The following EPM2A variants were observed in gnomAD, a reference collection of about 807,000 sequenced individuals.
The protein encoded by EPM2A is laforin.
Under a neutral mutation model 26.5 loss-of-function variants are expected in EPM2A, and 21 were observed. The ratio of observed to expected loss-of-function variants is 0.79; its 90% confidence interval spans 0.56 to 1.14. The LOEUF (loss-of-function observed/expected upper bound fraction) is 1.14, where lower values mean the gene tolerates loss of function less well. EPM2A is among the 50% of genes most tolerant of loss of function. EPM2A has a pLI of 0.00. For missense variants in EPM2A, 458 were observed against 440.8 expected, an observed-to-expected ratio of 1.04 and a Z score of -0.35; for synonymous variants, 217 against 177.6, an observed-to-expected ratio of 1.22 and a Z score of -1.76.
intron 2 of EPM2A, among the ~76,000 whole-genome samples, chr6:145,574,564 G>T (rs1468100037): frequency 6.6e-6 from 1 of 152,120 alleles, no homozygotes; most frequent in African/African-American, 2.4e-5. Flanking sequence ...ATTTCACAAG[G>T]CATTGGTCAA....
chr6:145,461,912 A>G (rs976568626), intron 4 of EPM2A, among the ~76,000 whole-genome samples: 2 of 152,208 alleles, frequency 1.3e-5, no homozygotes. Flanking sequence ...CCTTAAAGCC[A>G]GGATATGGGC....
chr6:145,627,728 A>G (rs765937682), intron 3 of EPM2A, 35 bp from the exon 4 acceptor site: 1 of 1,610,572 alleles, frequency 6.2e-7, no homozygotes, highest in Non-Finnish European at 8.5e-7. Flanking sequence ...CATGTGAATA[A>G]CTAAACCACC....
intron 4 of EPM2A, among the ~76,000 whole-genome samples, chr6:145,422,747 T>A (rs1284578082): frequency 6.6e-6 from 1 of 152,152 alleles, no homozygotes; most frequent in Non-Finnish European, 1.5e-5. Context: ...AGAATTTTGT[T>A]ATTTTTATCC....
At chr6:145,389,380 C>A (rs886720655) in intron 4 of EPM2A, among the ~76,000 whole-genome samples, 1 of 151,778 alleles carries the variant, frequency 6.6e-6, no homozygotes, top group Non-Finnish European at 1.5e-5. Context: ...TTAGTAGAGA[C>A]GGGGTTTCAC....
intron 4 of EPM2A, among the ~76,000 whole-genome samples, chr6:145,453,443 G>T (rs1398993871): frequency 1.3e-5 from 2 of 151,398 alleles, no homozygotes; most frequent in Non-Finnish European, 2.9e-5. Flanking sequence ...TTGTTGTTGT[G>T]TTTTTTTCTA....
chr6:145,393,161 G>T (rs1055967360), intron 4 of EPM2A, among the ~76,000 whole-genome samples: 9 of 152,052 alleles, frequency 5.9e-5, no homozygotes, highest in Non-Finnish European at 1.2e-4. Context: ...ACTCTAAAAG[G>T]CCTCATGAAT....
chr6:145,556,300 T>C (rs910556603), intron 2 of EPM2A, among the ~76,000 whole-genome samples: 1 of 152,120 alleles, frequency 6.6e-6, no homozygotes, highest in Non-Finnish European at 1.5e-5. Flanking sequence ...TAACCACTAC[T>C]GAAGTATTTT....
chr6:145,735,393 C>G lies in EPM2A; in HGVS notation c.106G>C (p.Gly36Arg). 1 of 1,230,176 alleles carries G rather than the reference C, an allele frequency of 8.1e-7. No homozygotes were observed. The highest frequency in any genetic ancestry group is 1.0e-6 in the Non-Finnish European group (1 of 984,916). 76.2% of individuals were successfully genotyped at this position (1,230,176 alleles called of 1,614,324 possible). The change falls in exon 1 of 4, where the codon GGT (glycine) becomes CGT (arginine). Residue 36 changes from glycine (G) to arginine (R), a missense_variant. Transcript: ENST00000367519. Reference sequence around the variant, plus strand: ...CCGGCCGGCCTCAGGCGGACGGCACCGCGCGGCTCCCAACGCCCCAGCTCG... The same window carrying G: ...CCGGCCGGCCTCAGGCGGACGGCACGGCGCGGCTCCCAACGCCCCAGCTCG... The part of the protein sequence containing the change: ...RPELGRWEPR[G>R]AVRLRPAGTA...
chr6:145,399,243 T>C (rs759063221), intron 4 of EPM2A, among the ~76,000 whole-genome samples: 2 of 152,184 alleles, frequency 1.3e-5, no homozygotes, highest in Non-Finnish European at 1.5e-5. Context: ...TCAATAAACA[T>C]AACTTTGGGA....
chr6:145,679,879 A>G (rs1375550978), intron 2 of EPM2A, among the ~76,000 whole-genome samples: 3 of 152,186 alleles, frequency 2.0e-5, no homozygotes, highest in Admixed American at 6.5e-5. Flanking sequence ...TAGCATTTAC[A>G]TAGGCATACG....
chr6:145,564,996 G>A (rs556756130), intron 2 of EPM2A, among the ~76,000 whole-genome samples: 2 of 152,240 alleles, frequency 1.3e-5, no homozygotes, highest in East Asian at 3.9e-4. Flanking sequence ...CTCTGAAGAG[G>A]CCTCCCTGAT....
At chr6:145,704,805 T>C (rs1399485724) in intron 1 of EPM2A, among the ~76,000 whole-genome samples, 3 of 152,248 alleles carry the variant, frequency 2.0e-5, no homozygotes, top group African/African-American at 7.2e-5. Context: ...TTAATATTCT[T>C]AGAAGACTTC....
intron 3 of EPM2A, chr6:145,629,905 G>C (rs930966972): frequency 6.6e-6 from 1 of 152,264 alleles, no homozygotes; most frequent in African/African-American, 2.4e-5. Flanking sequence ...CTGGCACTCG[G>C]TGCATACAAC....
chr6:145,558,619 G>A (rs139832576), intron 2 of EPM2A, among the ~76,000 whole-genome samples: 2,585 of 152,008 alleles, frequency 0.017, 25 homozygotes, highest in Admixed American at 0.024. Flanking sequence ...GTTTTGATTT[G>A]CATTTCTCTG....
intron 2 of EPM2A, among the ~76,000 whole-genome samples, chr6:145,661,653 T>G (rs1778718276): frequency 6.6e-6 from 1 of 152,236 alleles, no homozygotes; most frequent in South Asian, 2.1e-4. Context: ...AACAATCTCA[T>G]GAAAAAGATT....
At chr6:145,568,467 G>A (rs561069352) in intron 2 of EPM2A, among the ~76,000 whole-genome samples, 3 of 151,906 alleles carry the variant, frequency 2.0e-5, no homozygotes, top group East Asian at 1.9e-4. Context: ...TTACAGGCAC[G>A]TGCCACCACC....
downstream of EPM2A, among the ~76,000 whole-genome samples, chr6:145,622,743 T>C (rs914734342): frequency 3.9e-5 from 6 of 152,194 alleles, no homozygotes; most frequent in Non-Finnish European, 1.5e-5. Context: ...CAGGAGGAAC[T>C]GGCGCTGCTC....
chr6:145,508,483 C>A (rs1000430575), intron 2 of EPM2A, among the ~76,000 whole-genome samples: 7 of 152,152 alleles, frequency 4.6e-5, no homozygotes, highest in African/African-American at 1.4e-4. Flanking sequence ...CCTTACAGAG[C>A]CTTGGTCCTC....
chr6:145,510,637 G>T lies in EPM2A; in HGVS notation c.341-8062C>A, dbSNP rs571021157. ...TAGTGCTAAATGCCTACATTAAGAA[G>T]ATGGAAGGATTTCAAATGAACAAAC... On this transcript the variant is annotated intron_variant, in intron 2 of 3. Transcript: ENST00000450221. 3.9e-5 allele frequency among the ~76,000 whole-genome samples: 6 copies of T among 152,222 alleles called. No individual in the cohort carries two copies. The South Asian group carries it at 1.0e-3, about 26-fold the overall frequency.
Sources: gnomAD v4.1 joint callset for allele counts (sites outside exome capture counted in the v4.1 genomes callset) on GRCh38, gnomAD v4.1.1 for gene constraint, MANE v1.5 for transcripts, NCBI Gene and HGNC (gene_info 2026-07-23, HGNC 2026-07-21) for gene names.